Variants in KCNT1 observed in about 807,000 individuals in gnomAD.
The protein encoded by KCNT1 is potassium channel subfamily T member 1.
Under a neutral mutation model 147.8 loss-of-function variants are expected in KCNT1, and 78 were observed. That is an observed-to-expected ratio of 0.53 (90% CI 0.44 to 0.64). KCNT1 has a LOEUF of 0.64. Among genes scored for constraint, KCNT1 ranks in the 30% least tolerant of loss-of-function variants. The pLI, the probability that KCNT1 is intolerant of heterozygous loss-of-function variation, is 0.00. For synonymous variants in KCNT1, 867 were observed against 748.8 expected (o/e 1.16, Z -2.58); for missense variants, 1,419 against 1,750.3 (o/e 0.81, Z 3.38).
chr9:135,714,887 C>A lies in KCNT1; in HGVS notation c.254+167C>A, dbSNP rs951537413. On this transcript the variant is annotated intron_variant, in intron 2 of 30. Transcript: ENST00000371757. This position sits in a 1 kb window ranked among gnomAD's most constrained non-coding sequence, Gnocchi z 6.2. Reference sequence around the variant, plus strand: ...GCAGAAGTTTCGGAGGGGGTGCGGGCAGGGGGAAGCATCTTCTCGGGAGGG... The same window carrying A: ...GCAGAAGTTTCGGAGGGGGTGCGGGAAGGGGGAAGCATCTTCTCGGGAGGG... 2.0e-4 allele frequency among the ~76,000 whole-genome samples: 31 copies of A among 152,084 alleles called. No homozygotes were observed. Among genetic ancestry groups the A allele is most frequent in the African/African-American group, 6.0e-4 (25 of 41,422 alleles).
At chr9:135,775,613 G>A (rs1489065024) in intron 20 of KCNT1, among the ~76,000 whole-genome samples, 198 bp downstream of exon 20, 2 of 152,188 alleles carry the variant, frequency 1.3e-5, no homozygotes, top group Non-Finnish European at 2.9e-5. Context: ...TCCCGTTTGG[G>A]CTCTCCCTCT....
chr9:135,776,568 CTG>C (rs1166151533), intron 20 of KCNT1, among the ~76,000 whole-genome samples: 1 of 152,210 alleles, frequency 6.6e-6, no homozygotes. Context: ...TGCCTGCCAT[CTG>C]TGGATGGTTT....
Position 135,772,911 on chromosome 9 carries a change from G to T in KCNT1, c.2205G>T (p.Glu735Asp). Residue 735 changes from glutamate to aspartate, a missense_variant, in exon 19 of 31, where the codon GAG (glutamate) becomes GAT (aspartate). Physicochemically the swap from Glu to Asp is conservative, Grantham distance 45. Transcript: ENST00000371757. ...CDLLSDQSEDEVTPSDDEGLS... is the reference protein window; with the variant it reads ...CDLLSDQSEDDVTPSDDEGLS... The stretch of plus-strand genomic sequence containing the variant: ...TGCTGAGCGACCAGTCGGAGGATGA[G>T]GTGACGCCGTCGGACGACGAGGGGC... 1 of 1,539,428 alleles carries T rather than the reference G, an allele frequency of 6.5e-7. No individual in the cohort carries two copies.
chr9:135,792,023 C>T lies in KCNT1; in HGVS notation c.3588-18C>T. On this transcript the variant is annotated intron_variant, in intron 30 of 30. Coordinates refer to ENST00000371757, the MANE Select transcript of KCNT1 (RefSeq NM_020822.3). ...CCCGGCCCACATCCACTCCAGGGTCCTCTGTGCCCTCCCGCAGCTATCTCA... is the reference window on the plus strand; with the variant it reads ...CCCGGCCCACATCCACTCCAGGGTCTTCTGTGCCCTCCCGCAGCTATCTCA... The T allele has an allele frequency of 1.9e-6, 3 of 1,603,634 alleles. No individual in the cohort carries two copies. The highest frequency in any genetic ancestry group is 1.1e-5 in the South Asian group (1 of 90,910).
At chr9:135,759,889 G>T (rs759951137) in intron 11 of KCNT1, 30 bp downstream of exon 11, 67 of 1,566,616 alleles carry the variant, frequency 4.3e-5, no homozygotes, top group Non-Finnish European at 5.2e-5. Context: ...GCCCTGGGTG[G>T]CACCAGCAAA....
Position 135,702,243 on chromosome 9 carries a change from C to A in KCNT1, c.-16C>A. 6.3e-7 allele frequency: 1 copy of A among 1,596,166 alleles called. No homozygotes were observed. The highest frequency in any genetic ancestry group is 1.1e-5 in the South Asian group (1 of 90,740). ...ACTCGCTTCTCCCTCGGGTCGGGTCCGAGCTGCCAGGCCGCATGCCACTCC... is the reference window on the plus strand; with the variant it reads ...ACTCGCTTCTCCCTCGGGTCGGGTCAGAGCTGCCAGGCCGCATGCCACTCC... On this transcript the variant is annotated 5_prime_UTR_variant, in exon 1 of 31. Coordinates refer to ENST00000371757, the MANE Select transcript of KCNT1 (RefSeq NM_020822.3).
chr9:135,737,428 T>A (rs1427361641), intron 2 of KCNT1, among the ~76,000 whole-genome samples: 1 of 152,102 alleles, frequency 6.6e-6, no homozygotes, highest in African/African-American at 2.4e-5. Context: ...CAGCAGCAAA[T>A]TCCTAGCCAG....
chr9:135,777,196 G>A, intron 20 of KCNT1, 142 bp from the exon 21 acceptor site: 1 of 818,112 alleles, frequency 1.2e-6, no homozygotes. Context: ...ACAGGCGTGT[G>A]CAGGCCGTGA....
intron 2 of KCNT1, among the ~76,000 whole-genome samples, chr9:135,736,343 C>T (rs1830333395): frequency 6.6e-6 from 1 of 152,136 alleles, no homozygotes; most frequent in Non-Finnish European, 1.5e-5. Flanking sequence ...GGCCACCAGC[C>T]CTCGCGGCTC....
chr9:135,755,197 G>A lies in KCNT1; in HGVS notation c.540+28G>A, dbSNP rs368273155. 2.7e-5 allele frequency: 43 copies of A among 1,590,138 alleles called. 1 individual carries two copies. Among genetic ancestry groups the A allele is most frequent in the Middle Eastern group, 3.4e-4 (2 of 5,930 alleles). ...GAGTGCCCTACCCTGCCCCCCTCCC[G>A]ACTGCAGTGGTGCTCAGTAAGCACT... On this transcript the variant is annotated intron_variant, in intron 6 of 30. Transcript: ENST00000371757.
At position 135,763,977 on chromosome 9, in the gene KCNT1, C is replaced by T. The variant is rs147919546; in HGVS notation, c.1036-1054C>T. Among the ~76,000 whole-genome samples, 1,458 of 152,224 alleles carry T rather than the reference C, an allele frequency of 9.6e-3. 26 individuals carry two copies. Among genetic ancestry groups the T allele is most frequent in the East Asian group, 0.039 (201 of 5,182 alleles). ...TCCGCGGGGAAGCCTCTGTTCCGGT[C>T]GCCCTGGAGTCTTGAGCACCTCCCA... On this transcript the variant is annotated intron_variant, in intron 11 of 30. Transcript: ENST00000371757.
intron 18 of KCNT1, among the ~76,000 whole-genome samples, chr9:135,772,027 G>A (rs527482067): frequency 2.0e-5 from 3 of 152,168 alleles, no homozygotes; most frequent in South Asian, 2.1e-4. Flanking sequence ...GAGACGTGCC[G>A]ATGCGGAGCC....
intron 2 of KCNT1, among the ~76,000 whole-genome samples, chr9:135,747,403 C>T (rs954519197): frequency 2.6e-5 from 4 of 151,926 alleles, no homozygotes; most frequent in African/African-American, 9.7e-5. Flanking sequence ...TCCCTGGGTA[C>T]CGCCGGCAGT....
chr9:135,704,648 G>T (rs1174625854), intron 1 of KCNT1, among the ~76,000 whole-genome samples: 1 of 152,230 alleles, frequency 6.6e-6, no homozygotes, highest in East Asian at 1.9e-4. Flanking sequence ...CCCCTGCCAG[G>T]CCTTTCCTGG....
chr9:135,777,269 G>C (rs1013964517), intron 20 of KCNT1, 69 bp from the exon 21 acceptor site: 5 of 1,525,948 alleles, frequency 3.3e-6, no homozygotes, highest in African/African-American at 1.4e-5. Context: ...TGAGGGGTCT[G>C]GGAGGGCTCC....
rs910046127 is a variant in KCNT1, at chr9:135,703,396, C to T, written c.110+1028C>T. Among the ~76,000 whole-genome samples, 6 of 152,178 alleles carry T rather than the reference C, an allele frequency of 3.9e-5. No homozygotes were observed. The South Asian group carries it at 6.2e-4, about 16-fold the overall frequency. On this transcript the variant is annotated intron_variant, in intron 1 of 30. Coordinates refer to ENST00000371757, the MANE Select transcript of KCNT1 (RefSeq NM_020822.3). ...CCGAGTGTAAAATGAGGAGGTAGGGCGGATGGTCTTTAAGGGCTGCCTCTG... is the reference window on the plus strand; with the variant it reads ...CCGAGTGTAAAATGAGGAGGTAGGGTGGATGGTCTTTAAGGGCTGCCTCTG...
rs867696703 is a variant in KCNT1 at position 135,786,616 on chromosome 9, G to A, written c.3502+95G>A. The A allele has an allele frequency of 6.0e-5, 71 of 1,185,720 alleles. No individual in the cohort carries two copies. The Middle Eastern group carries it at 8.8e-4, about 15-fold the overall frequency. The allele number at this position is 1,185,720 out of a possible 1,614,324, so 73.4% of individuals were successfully genotyped here. A position where few individuals can be genotyped will look rare whatever the true frequency, so the allele number is the denominator to read the frequency against. ...AGTCGGCCACGGCGTCCCGGGGCCC[G>A]GGCCGTCCTCCTGTCTGTCATCTGT... On this transcript the variant is annotated intron_variant, in intron 29 of 30. Transcript: ENST00000371757.
At chr9:135,781,094 A>G (rs1833577404) in intron 24 of KCNT1, among the ~76,000 whole-genome samples, 1 of 152,084 alleles carries the variant, frequency 6.6e-6, no homozygotes, top group Admixed American at 6.5e-5. Context: ...CTTCACCTCC[A>G]CTGGGGCTCT....
intron 2 of KCNT1, among the ~76,000 whole-genome samples, chr9:135,731,648 AG>A (rs1836436219): frequency 6.6e-6 from 1 of 151,922 alleles, no homozygotes; most frequent in African/African-American, 2.4e-5. Flanking sequence ...TCTAGACTCG[AG>A]TGACATTTTG....
Sources: gnomAD v4.1 joint callset for allele counts (sites outside exome capture counted in the v4.1 genomes callset) on GRCh38, gnomAD v4.1.1 for gene constraint, Gnocchi (gnomAD v3.1) non-coding constraint, MANE v1.5 for transcripts, NCBI Gene and HGNC (gene_info 2026-07-23, HGNC 2026-07-21) for gene names.